Variants in SRRM3 observed in about 807,000 individuals in gnomAD.
SRRM3 encodes the protein serine/arginine repetitive matrix protein 3.
Under a neutral mutation model 66.2 loss-of-function variants are expected in SRRM3, and 27 were observed. That is an observed-to-expected ratio of 0.41 (90% CI 0.30 to 0.56). The LOEUF is 0.56. SRRM3 is among the 20% of genes least tolerant of loss of function. SRRM3 has a pLI of 0.32. For synonymous variants in SRRM3, 391 were observed against 414.9 expected (o/e 0.94, Z 0.70); for missense variants, 918 against 991.9 (o/e 0.93, Z 1.00).
rs1801809275 is a variant in SRRM3, at chr7:76,259,893, C to T, written c.336-13C>T. On this transcript the variant is annotated splice_polypyrimidine_tract_variant and intron_variant, in intron 3 of 14. Transcript: ENST00000611745. ...GTCCCGAGACTGGTGGTGAGCGTCC[C>T]TGTCGCCGGCAGTGTGGCGGAGACC... 3 of 1,600,730 alleles carry T rather than the reference C, an allele frequency of 1.9e-6. No individual in the cohort carries two copies. Among genetic ancestry groups the T allele is most frequent in the African/African-American group, 1.3e-5 (1 of 74,846 alleles).
intron 2 of SRRM3, among the ~76,000 whole-genome samples, chr7:76,242,691 T>C (rs1249281372): frequency 6.6e-6 from 1 of 152,140 alleles, no homozygotes. Context: ...CAGTCCCATC[T>C]GGGGTGATGG....
chr7:76,227,584 T>C (rs541473445), intron 1 of SRRM3, among the ~76,000 whole-genome samples: 1 of 152,334 alleles, frequency 6.6e-6, no homozygotes, highest in South Asian at 2.1e-4. Flanking sequence ...GAAGCCTGCC[T>C]TGACGAACCA....
At chr7:76,265,802 A>G (rs1377591873) in intron 10 of SRRM3, among the ~76,000 whole-genome samples, 1 of 95,374 alleles carries the variant, frequency 1.0e-5, no homozygotes, top group Non-Finnish European at 1.7e-5. Context: ...TTTAATATTT[A>G]TATATTTTAT....
intron 2 of SRRM3, among the ~76,000 whole-genome samples, chr7:76,247,174 G>A (rs1166982217): frequency 3.3e-5 from 5 of 152,122 alleles, no homozygotes; most frequent in Admixed American, 1.3e-4. Flanking sequence ...GTGGGAGCAG[G>A]GATAAGGAGT....
At chr7:76,275,826 A>G (rs1260791307) in intron 11 of SRRM3, among the ~76,000 whole-genome samples, 1 of 151,846 alleles carries the variant, frequency 6.6e-6, no homozygotes, top group Non-Finnish European at 1.5e-5. Context: ...TGTAATCCCA[A>G]TGCTTTAGGA....
At chr7:76,283,466 C>T (rs1802584134) in intron 14 of SRRM3, 1 of 450,990 alleles carries the variant, frequency 2.2e-6, no homozygotes, top group Non-Finnish European at 4.3e-6. Context: ...GGAGCCCCTC[C>T]CGCCCTCCCT....
At chr7:76,236,005 CAAAA>C (rs1161706465) in intron 2 of SRRM3, among the ~76,000 whole-genome samples, 76 of 20,254 alleles carry the variant, frequency 3.8e-3, no homozygotes, top group African/African-American at 0.011. Flanking sequence ...GATTCTGTCT[CAAAA>C]AAAAAAAAAA....
chr7:76,232,504 G>A (rs556860522), intron 1 of SRRM3, among the ~76,000 whole-genome samples: 37 of 152,166 alleles, frequency 2.4e-4, no homozygotes, highest in Admixed American at 2.4e-3. Context: ...CCCAGGAGGT[G>A]GAGGTTGCAG....
At chr7:76,208,958 G>A (rs1800366451) in intron 1 of SRRM3, among the ~76,000 whole-genome samples, 1 of 152,056 alleles carries the variant, frequency 6.6e-6, no homozygotes, top group Non-Finnish European at 1.5e-5. Flanking sequence ...CATTAGCCGA[G>A]CATGGTGGTG....
chr7:76,228,919 GAC>G, intron 1 of SRRM3, among the ~76,000 whole-genome samples: 2 of 135,594 alleles, frequency 1.5e-5, no homozygotes, highest in East Asian at 4.3e-4. Flanking sequence ...TTTTTTTTGA[GAC>G]AGAGTCTCAC....
chr7:76,208,545 A>T (rs1325772592), intron 1 of SRRM3, among the ~76,000 whole-genome samples: 1 of 151,572 alleles, frequency 6.6e-6, no homozygotes, highest in Non-Finnish European at 1.5e-5. Flanking sequence ...AAGAAAAAGA[A>T]AAAATTAAGC....
chr7:76,206,081 C>T (rs1410216426), intron 1 of SRRM3, among the ~76,000 whole-genome samples: 1 of 152,162 alleles, frequency 6.6e-6, no homozygotes, highest in African/African-American at 2.4e-5. Context: ...AATCACGGCT[C>T]ACTGCAGCCT....
intron 1 of SRRM3, among the ~76,000 whole-genome samples, chr7:76,203,800 T>C (rs1800221318): frequency 6.6e-6 from 1 of 152,174 alleles, no homozygotes; most frequent in Admixed American, 6.5e-5. Flanking sequence ...GAGTTACTGA[T>C]GACCTGTCCC....
intron 1 of SRRM3, among the ~76,000 whole-genome samples, chr7:76,232,624 G>T (rs868909563): frequency 6.6e-6 from 1 of 151,952 alleles, no homozygotes; most frequent in Admixed American, 6.6e-5. Flanking sequence ...GGAAAGGAAG[G>T]CTTCCGGAAG....
chr7:76,230,567 G>A (rs7790242), intron 1 of SRRM3, among the ~76,000 whole-genome samples: 7 of 148,206 alleles, frequency 4.7e-5, no homozygotes, highest in African/African-American at 1.5e-4. Flanking sequence ...GAAGATCACT[G>A]AAGCCCAGGA....
chr7:76,210,557 C>T (rs1800407315), intron 1 of SRRM3, among the ~76,000 whole-genome samples: 1 of 152,164 alleles, frequency 6.6e-6, no homozygotes, highest in South Asian at 2.1e-4. Flanking sequence ...ATCCCCAAGC[C>T]CTGTGCTAGG....
intron 1 of SRRM3, among the ~76,000 whole-genome samples, chr7:76,225,416 GGCTGGCAAGGCCAGGAAAA>G (rs141824180): frequency 0.073 from 11,089 of 152,064 alleles, 564 homozygotes; most frequent in South Asian, 0.15. Flanking sequence ...GCATGCCTCT[GGCTGGCAAGGCCAGGAAAA>G]AAAAGCCCCT....
chr7:76,217,867 G>C (rs978003547), intron 1 of SRRM3, among the ~76,000 whole-genome samples: 51 of 152,176 alleles, frequency 3.4e-4, no homozygotes, highest in Admixed American at 1.4e-3. Context: ...CTTGTGGTCA[G>C]GTGGTTAGGT....
intron 8 of SRRM3, among the ~76,000 whole-genome samples, chr7:76,262,701 AGC>A: frequency 6.6e-6 from 1 of 152,174 alleles, no homozygotes; most frequent in East Asian, 1.9e-4. Context: ...CTGTAATCCC[AGC>A]TACTTGGGAG....
Sources: allele counts gnomAD v4.1 joint callset (sites outside exome capture counted in the v4.1 genomes callset), GRCh38; gene constraint gnomAD v4.1.1; transcripts MANE v1.5; gene names NCBI Gene and HGNC (gene_info 2026-07-23, HGNC 2026-07-21).